Variants in RREB1 observed in about 807,000 individuals in gnomAD.
RREB1 encodes ras responsive element binding protein 1, also known as ras-responsive element-binding protein 1.
A neutral mutation model predicts 117.8 loss-of-function variants in RREB1; 27 were observed. That is an observed-to-expected ratio of 0.23 (90% CI 0.17 to 0.32). The LOEUF (loss-of-function observed/expected upper bound fraction) is 0.32. RREB1 is among the 10% of genes least tolerant of loss of function. The pLI is 1.00. For missense variants in RREB1, 2,577 were observed against 2,378.2 expected (o/e 1.08, Z -1.74); for synonymous variants, 1,298 against 1,026.7 (o/e 1.26, Z -5.05).
chr6:7,202,389 G>T (rs1327435795), intron 6 of RREB1, among the ~76,000 whole-genome samples: 12 of 152,186 alleles, frequency 7.9e-5, no homozygotes, highest in Non-Finnish European at 5.9e-5. Context: ...TCAAGTGATC[G>T]CCTTTCAAGC....
In RREB1 at chr6:7,189,225, A is replaced by G; in HGVS notation, c.328A>G (p.Ser110Gly). 6.2e-7 allele frequency: 1 copy of G among 1,613,454 alleles called. No homozygotes were observed. The highest frequency in any genetic ancestry group is 8.5e-7 in the Non-Finnish European group (1 of 1,179,754). Residue 110 changes from serine (S) to glycine (G), a missense_variant, in exon 6 of 13, where the codon AGC becomes GGC. Coordinates refer to ENST00000379938, the MANE Select transcript of RREB1 (RefSeq NM_001003699.4). ...SICGKSLSSA[S>G]SLDRHMLVHS... ...CTGCGGAAAGTCACTGAGCTCGGCC[A>G]GCTCCCTCGATCGCCACATGCTGGT...
intron 1 of RREB1, 23 bp from the exon 2 acceptor site, chr6:7,176,632 A>G (rs1764511818): frequency 6.5e-6 from 1 of 152,776 alleles, no homozygotes; most frequent in Admixed American, 6.5e-5. Context: ...CTCTTTTAAC[A>G]TCACCTTTTC....
chr6:7,219,140 C>G (rs1767092827), intron 8 of RREB1: 2 of 142,496 alleles, frequency 1.4e-5, no homozygotes, highest in South Asian at 4.5e-4. Flanking sequence ...CACGGTGTCT[C>G]AGGCCTGTAA....
chr6:7,233,311 C>T (rs991639634), intron 10 of RREB1, among the ~76,000 whole-genome samples: 1 of 152,174 alleles, frequency 6.6e-6, no homozygotes, highest in African/African-American at 2.4e-5. Context: ...ATATAAATGG[C>T]CATACAACTC....
At chr6:7,197,010 T>C (rs1221908565) in intron 6 of RREB1, among the ~76,000 whole-genome samples, 4 of 152,186 alleles carry the variant, frequency 2.6e-5, no homozygotes, top group African/African-American at 9.7e-5. Flanking sequence ...GTGGTGCTCG[T>C]CTTCCAAAAC....
At chr6:7,186,998 T>C (rs1001955368) in intron 4 of RREB1, among the ~76,000 whole-genome samples, 1 of 152,202 alleles carries the variant, frequency 6.6e-6, no homozygotes, top group Non-Finnish European at 1.5e-5. Flanking sequence ...ATCTCTCAGG[T>C]GTTCTTGGAG....
intron 1 of RREB1, among the ~76,000 whole-genome samples, chr6:7,118,086 A>T (rs1054976190): frequency 3.1e-4 from 47 of 152,278 alleles, no homozygotes; most frequent in African/African-American, 1.1e-3. Flanking sequence ...ATTTATCAGG[A>T]GGCTCATATA....
chr6:7,158,114 C>T (rs778892412), intron 1 of RREB1, among the ~76,000 whole-genome samples: 2 of 152,140 alleles, frequency 1.3e-5, no homozygotes, highest in Admixed American at 1.3e-4. Flanking sequence ...CATTTCTTCA[C>T]ATTCAAGAAT....
At chr6:7,152,043 A>G (rs1189105328) in intron 1 of RREB1, among the ~76,000 whole-genome samples, 3 of 152,242 alleles carry the variant, frequency 2.0e-5, no homozygotes, top group Admixed American at 2.0e-4. Flanking sequence ...ACACAAGGAC[A>G]TTGATTTGAG....
chr6:7,186,626 A>G (rs368332422), intron 4 of RREB1, among the ~76,000 whole-genome samples: 2 of 152,180 alleles, frequency 1.3e-5, no homozygotes, highest in South Asian at 4.1e-4. Context: ...AGAACTCTGC[A>G]TGAATTATTT....
intron 1 of RREB1, among the ~76,000 whole-genome samples, chr6:7,135,706 GTTTAAGT>G (rs1300459045): frequency 6.6e-6 from 1 of 152,146 alleles, no homozygotes; most frequent in African/African-American, 2.4e-5. Flanking sequence ...CAGGTATTCC[GTTTAAGT>G]TTTATGTGCC....
intron 1 of RREB1, among the ~76,000 whole-genome samples, chr6:7,165,554 ATG>A (rs1338219564): frequency 3.3e-5 from 5 of 151,732 alleles, no homozygotes; most frequent in African/African-American, 9.8e-5. Context: ...TTGATTGAGA[ATG>A]TTCCCATTAC....
In RREB1 at chr6:7,247,043, C is replaced by T. The variant is rs1197222651; in HGVS notation, c.4593C>T (p.Asp1531=). Residue 1531 remains aspartate (D), a synonymous_variant, in exon 12 of 13, where the codon GAC becomes GAT. Coordinates refer to ENST00000379938, the MANE Select transcript of RREB1 (RefSeq NM_001003699.4). ...CGGAGGAGACGGAGGGCCCCTCCGACGGGGAGAGCGCGGCCGAGAAAAGGT... is the reference window on the plus strand; with the variant it reads ...CGGAGGAGACGGAGGGCCCCTCCGATGGGGAGAGCGCGGCCGAGAAAAGGT... ...KLAEETEGPS[D]GESAAEKRSS... is the part of the protein sequence containing the mutation. 2 of 1,612,826 alleles carry T rather than the reference C, an allele frequency of 1.2e-6. No homozygotes were observed. The highest frequency in any genetic ancestry group is 1.7e-6 in the Non-Finnish European group (2 of 1,179,692).
At chr6:7,108,236 C>T (rs888433612) in intron 1 of RREB1, among the ~76,000 whole-genome samples, 176 bp downstream of exon 1, 5 of 152,122 alleles carry the variant, frequency 3.3e-5, no homozygotes, top group African/African-American at 1.2e-4. Context: ...CGCCCCACTC[C>T]GCGCAGCGTG....
At chr6:7,163,710 G>T (rs1468916268) in intron 1 of RREB1, among the ~76,000 whole-genome samples, 1 of 152,174 alleles carries the variant, frequency 6.6e-6, no homozygotes, top group Admixed American at 6.5e-5. Flanking sequence ...CGTTTTAGTT[G>T]TGGGGCTGGC....
chr6:7,123,012 A>G (rs1761743636), intron 1 of RREB1, among the ~76,000 whole-genome samples: 2 of 152,106 alleles, frequency 1.3e-5, no homozygotes, highest in Non-Finnish European at 2.9e-5. Flanking sequence ...TACCTTAAAC[A>G]TTTGTGTTTT....
At chr6:7,138,773 G>A (rs1481378314) in intron 1 of RREB1, among the ~76,000 whole-genome samples, 3 of 152,164 alleles carry the variant, frequency 2.0e-5, no homozygotes, top group Non-Finnish European at 4.4e-5. Context: ...TTGTTTCATG[G>A]GAGCAATTAG....
chr6:7,171,897 C>A (rs957243829), intron 1 of RREB1, among the ~76,000 whole-genome samples: 2 of 151,492 alleles, frequency 1.3e-5, no homozygotes, highest in Non-Finnish European at 2.9e-5. Context: ...TGGACTGAGG[C>A]CAGAGCATGG....
In RREB1 at chr6:7,231,785, A is replaced by G. The variant is rs1398751444; in HGVS notation, c.3686A>G (p.Asp1229Gly). The change falls in exon 10 of 13, where the codon GAC becomes GGC. Residue 1229 changes from aspartate to glycine, a missense_variant. Transcript: ENST00000379938. ...SDEEQGSPPE[D>G]KLLRAKRNSY... is the part of the protein sequence containing the mutation. ...GAAGAGCAGGGCAGTCCCCCAGAAG[A>G]CAAGCTGCTGAGGGCCAAGCGGAAC... The G allele has an allele frequency of 6.2e-7, 1 of 1,613,740 alleles. No individual in the cohort carries two copies. Among genetic ancestry groups the G allele is most frequent in the Non-Finnish European group, 8.5e-7 (1 of 1,180,006 alleles).
Sources: gnomAD v4.1 joint callset for allele counts (sites outside exome capture counted in the v4.1 genomes callset) on GRCh38, gnomAD v4.1.1 for gene constraint, MANE v1.5 for transcripts, NCBI Gene and HGNC (gene_info 2026-07-23, HGNC 2026-07-21) for gene names.